Variants in TTC14 observed in about 807,000 individuals in gnomAD.
TTC14 encodes the protein tetratricopeptide repeat protein 14.
In TTC14, 63 loss-of-function variants were observed where a neutral mutation model predicts 79.9. That is an observed-to-expected ratio of 0.79 (90% CI 0.64 to 0.97). The LOEUF is 0.97. TTC14 is among the 50% of genes least tolerant of loss of function. The probability of loss-of-function intolerance (pLI) is 0.00; values close to 1 mark genes in which losing one functional copy is unlikely to be tolerated. For missense variants in TTC14, 895 were observed against 894.0 expected, an observed-to-expected ratio of 1.00 and a Z score of -0.01; for synonymous variants, 335 against 309.6, an observed-to-expected ratio of 1.08 and a Z score of -0.86.
rs1716383839 is a variant in TTC14, at chr3:180,602,163, A to C, written c.-99A>C. The C allele has an allele frequency of 6.7e-7, 1 of 1,482,996 alleles. No homozygotes were observed. Among genetic ancestry groups the C allele is most frequent in the Non-Finnish European group, 9.1e-7 (1 of 1,094,544 alleles). 91.9% of individuals were successfully genotyped at this position (1,482,996 alleles called of 1,614,324 possible). A position where few individuals can be genotyped will look rare whatever the true frequency, so the allele number is the denominator to read the frequency against. On this transcript the variant is annotated 5_prime_UTR_variant, in exon 1 of 12. Transcript: ENST00000296015. The stretch of plus-strand genomic sequence containing the variant: ...TGTCTGTGTACTTCCGGCAGCCTCC[A>C]GACAGTTTCTTCCGCTTCCTGTACC...
intron 11 of TTC14, chr3:180,609,368 C>T (rs1262963345): frequency 6.3e-5 from 71 of 1,130,290 alleles, no homozygotes; most frequent in Non-Finnish European, 7.5e-5. Context: ...GTTCAGTAGT[C>T]TTAAGTTTTT....
chr3:180,602,960 A>C lies in TTC14; in HGVS notation c.231A>C (p.Ala77=). The change falls in exon 2 of 12, where the codon GCA becomes GCC. Residue 77 remains alanine (A), a synonymous_variant. Transcript: ENST00000296015. ...FISKKADLLF[A]LSWKSDAPAT... ...CCAAAAAAGCGGATCTGCTTTTTGC[A>C]CTTTCCTGGAAATCAGATGCACCTG... 6.2e-7 allele frequency: 1 copy of C among 1,614,028 alleles called. No individual in the cohort carries two copies. Among genetic ancestry groups the C allele is most frequent in the Non-Finnish European group, 8.5e-7 (1 of 1,179,990 alleles).
Position 180,604,503 on chromosome 3 carries a change from C to G in TTC14, c.597C>G (p.Tyr199Ter). ...IRAGIKDIDR[Y>*]HEKLAVSLYS... The stretch of plus-strand genomic sequence containing the variant: ...CTGGAATCAAGGATATTGACAGATA[C>G]CATGAAAAGCTAGCAGTATCTCTGT... The change falls in exon 5 of 12, where the codon TAC becomes TAG. Residue 199 changes from tyrosine (Y) to a stop codon, truncating the protein, a stop_gained. Coordinates refer to ENST00000296015, the MANE Select transcript of TTC14 (RefSeq NM_133462.4). LOFTEE classifies it high-confidence loss of function. 6.2e-7 allele frequency: 1 copy of G among 1,601,920 alleles called. No individual in the cohort carries two copies. Among genetic ancestry groups the G allele is most frequent in the Non-Finnish European group, 8.5e-7 (1 of 1,176,176 alleles).
At chr3:180,604,397 G>A in intron 4 of TTC14, 81 bp from the exon 5 acceptor site, 1 of 1,542,596 alleles carries the variant, frequency 6.5e-7, no homozygotes, top group Non-Finnish European at 8.8e-7. Flanking sequence ...TAAGAGGGTA[G>A]TGTTTGGGAA....
chr3:180,604,645 A>C (rs758896221), intron 5 of TTC14, 38 bp downstream of exon 5: 1 of 1,578,156 alleles, frequency 6.3e-7, no homozygotes, highest in East Asian at 2.2e-5. Context: ...AGTTCATTAC[A>C]AAAGTCTCTT....
In TTC14 at chr3:180,610,105, A is replaced by G. The variant is rs1716910842; in HGVS notation, c.1876A>G (p.Arg626Gly). 6.2e-7 allele frequency: 1 copy of G among 1,613,126 alleles called. No homozygotes were observed. The highest frequency in any genetic ancestry group is 1.1e-5 in the South Asian group (1 of 90,932). The change falls in exon 12 of 12, where the codon AGA (arginine) becomes GGA (glycine). Residue 626 changes from arginine (R) to glycine (G), a missense_variant. By Grantham distance (125) the Arg-to-Gly change is moderately radical (BLOSUM62 -2). Coordinates refer to ENST00000296015, the MANE Select transcript of TTC14 (RefSeq NM_133462.4). ...TAAATCAGAAAGACATTTTTCCAGT[A>G]GAAGAAATTCCTCAGATTCCTTCTG... ...PYKSERHFSSRRNSSDSFCRN... is the reference protein window; with the variant it reads ...PYKSERHFSSGRNSSDSFCRN...
At chr3:180,605,487 T>G (rs1716627344) in intron 6 of TTC14, 1 of 261,438 alleles carries the variant, frequency 3.8e-6, no homozygotes, top group Admixed American at 5.6e-5. Flanking sequence ...TTCACCGTGT[T>G]AGCCAGGATG....
At chr3:180,611,229 A>T (rs1399657040), downstream of TTC14, 7 of 911,116 alleles carry the variant, frequency 7.7e-6, no homozygotes, top group Non-Finnish European at 9.2e-6. Context: ...CCTCATTGCT[A>T]GCATAGCCAT....
chr3:180,614,779 C>CTT, downstream of TTC14: 1 of 662,482 alleles, frequency 1.5e-6, no homozygotes, highest in Non-Finnish European at 2.4e-6. Context: ...GAGAACGTTC[C>CTT]TTTTTTTTTA....
intron 3 of TTC14, 145 bp downstream of exon 3, chr3:180,603,468 A>T (rs939259406): frequency 4.0e-6 from 3 of 741,260 alleles, no homozygotes; most frequent in Non-Finnish European, 6.5e-6. Context: ...AAATAGTTTA[A>T]AAAAATTAGT....
Position 180,602,210 on chromosome 3 carries a change from C to A in TTC14, c.-52C>A. On this transcript the variant is annotated 5_prime_UTR_variant, in exon 1 of 12. Transcript: ENST00000296015. ...TACCACCCGGCTCAAGTAGCGGACA[C>A]GGAACAGGGAACTATCAGCCCGTCG... 1 of 1,594,134 alleles carries A rather than the reference C, an allele frequency of 6.3e-7. No individual in the cohort carries two copies. The highest frequency in any genetic ancestry group is 1.1e-5 in the South Asian group (1 of 88,638).
At chr3:180,613,498 A>G (rs145257406), downstream of TTC14, among the ~76,000 whole-genome samples, 947 of 152,304 alleles carry the variant, frequency 6.2e-3, 17 homozygotes, top group African/African-American at 0.022. Context: ...GAAGTTATAT[A>G]GTGCAATTTC....
intron 6 of TTC14, 38 bp from the exon 7 acceptor site, chr3:180,605,728 T>C: frequency 6.8e-7 from 1 of 1,474,930 alleles, no homozygotes; most frequent in Admixed American, 2.2e-5. Context: ...TAAAAAATAT[T>C]TGTGGTTTAA....
Position 180,606,317 on chromosome 3 carries a change from A to C in TTC14, c.994A>C (p.Lys332Gln). Residue 332 changes from lysine to glutamine, a missense_variant, in exon 8 of 12, where the codon AAA becomes CAA. Coordinates refer to ENST00000296015, the MANE Select transcript of TTC14 (RefSeq NM_133462.4). ...TGTGGATGCTATGAATGAATACAAT[A>C]AAGCTTTGGAAATAGACAAACAAAA... ...RHVDAMNEYNKALEIDKQNVE... is the reference protein window; with the variant it reads ...RHVDAMNEYNQALEIDKQNVE... 1 of 1,614,152 alleles carries C rather than the reference A, an allele frequency of 6.2e-7. No homozygotes were observed. The highest frequency in any genetic ancestry group is 8.5e-7 in the Non-Finnish European group (1 of 1,179,994).
chr3:180,605,719 A>T, intron 6 of TTC14, 47 bp from the exon 7 acceptor site: 1 of 1,435,200 alleles, frequency 7.0e-7, no homozygotes, highest in Non-Finnish European at 9.5e-7. Flanking sequence ...ATAGTTACTT[A>T]AAAAATATTT....
In TTC14 at chr3:180,610,235, C is replaced by A. The variant is rs769301699; in HGVS notation, c.2006C>A (p.Ser669Tyr). The A allele has an allele frequency of 4.3e-6, 7 of 1,613,848 alleles. No homozygotes were observed. Among genetic ancestry groups the A allele is most frequent in the African/African-American group, 2.7e-5 (2 of 74,890 alleles). Residue 669 changes from serine (S) to tyrosine (Y), a missense_variant, in exon 12 of 12, where the codon TCT (serine) becomes TAT (tyrosine). Ser to Tyr is a moderately radical substitution (Grantham distance 144). Coordinates refer to ENST00000296015, the MANE Select transcript of TTC14 (RefSeq NM_133462.4). Reference protein sequence around the residue: ...RRWEPGSVRHSTSPASSEYSW... With the variant: ...RRWEPGSVRHYTSPASSEYSW... ...TGGGAACCAGGTTCTGTGAGGCATT[C>A]TACCTCACCAGCAAGCTCAGAATAC...
Position 180,609,763 on chromosome 3 carries a change from T to C in TTC14, c.1534T>C (p.Ser512Pro), listed in dbSNP as rs903103204. 2 of 1,613,856 alleles carry C rather than the reference T, an allele frequency of 1.2e-6. No individual in the cohort carries two copies. The highest frequency in any genetic ancestry group is 1.7e-6 in the Non-Finnish European group (2 of 1,179,920). The change falls in exon 12 of 12, where the codon TCT (serine) becomes CCT (proline). Residue 512 changes from serine (S) to proline (P), a missense_variant. Physicochemically the swap from Ser to Pro is moderately conservative, Grantham distance 74. Coordinates refer to ENST00000296015, the MANE Select transcript of TTC14 (RefSeq NM_133462.4). ...HKKHKRNRSE[S>P]SRSSRRHSSR... is the part of the protein sequence containing the mutation. ...GAAACATAAGAGGAACCGTTCAGAG[T>C]CTTCTCGCAGTTCCAGAAGGCATTC...
At chr3:180,615,221 C>T (rs1209223524), downstream of TTC14, 1 of 568,358 alleles carries the variant, frequency 1.8e-6, no homozygotes, top group East Asian at 3.2e-5. Context: ...TTTAAATGAC[C>T]ATCAATAGAT....
In TTC14 at chr3:180,610,695, T is replaced by C. The variant is rs1254989721; in HGVS notation, c.*153T>C. The C allele has an allele frequency of 3.6e-6, 5 of 1,382,988 alleles. No individual in the cohort carries two copies. In the East Asian group the frequency reaches 8.1e-5, roughly 23 times the overall value. The allele number at this position is 1,382,988 out of a possible 1,614,324, so 85.7% of individuals were successfully genotyped here. On this transcript the variant is annotated 3_prime_UTR_variant, in exon 12 of 12. Coordinates refer to ENST00000296015, the MANE Select transcript of TTC14 (RefSeq NM_133462.4). ...TGCTTTTAAGTAAGTTTTTCTCAAA[T>C]TTTGTTTCAGTTCTAGGTCCCTTGT...
Sources: gnomAD v4.1 joint callset for allele counts (sites outside exome capture counted in the v4.1 genomes callset) on GRCh38, gnomAD v4.1.1 for gene constraint, MANE v1.5 for transcripts, NCBI Gene and HGNC (gene_info 2026-07-23, HGNC 2026-07-21) for gene names.